Variants in ZNF316 observed in about 807,000 individuals in gnomAD.
The protein encoded by ZNF316 is zinc finger protein 316.
Under a neutral mutation model 75.6 loss-of-function variants are expected in ZNF316, and 23 were observed. The observed-to-expected ratio is 0.30, with a 90% confidence interval of 0.22 to 0.43. The LOEUF (loss-of-function observed/expected upper bound fraction) is 0.43. Ranked by LOEUF, ZNF316 falls within the 20% of genes least tolerant of loss-of-function variation. ZNF316 has a pLI of 1.00. For synonymous variants in ZNF316, 827 were observed against 666.2 expected, an observed-to-expected ratio of 1.24 and a Z score of -3.72; for missense variants, 1,266 against 1,409.4, an observed-to-expected ratio of 0.90 and a Z score of 1.63.
In ZNF316 at chr7:6,637,854, A is replaced by C. The variant is rs1044170780; in HGVS notation, c.-422A>C. The C allele has an allele frequency of 7.2e-5, 11 of 152,096 alleles. No homozygotes were observed. Among genetic ancestry groups the C allele is most frequent in the Admixed American group, 5.9e-4 (9 of 15,280 alleles). 9.4% of individuals were successfully genotyped at this position (152,096 alleles called of 1,614,324 possible). On this transcript the variant is annotated 5_prime_UTR_variant, in exon 2 of 9. Transcript: ENST00000382252. The surrounding 1 kb of genome is among the most constrained non-coding windows in gnomAD (Gnocchi z 6.2). Reference sequence around the variant, plus strand: ...GGGCTGTCATCGTCTAGGTCTCTGCAGGAGGAGGCGGCTCCGGACGCCCCC... The same window carrying C: ...GGGCTGTCATCGTCTAGGTCTCTGCCGGAGGAGGCGGCTCCGGACGCCCCC...
At chr7:6,643,739 T>C in intron 6 of ZNF316, 83 bp from the exon 7 acceptor site, 1 of 1,193,522 alleles carries the variant, frequency 8.4e-7, no homozygotes, top group Non-Finnish European at 1.0e-6. Flanking sequence ...ACACCCATGC[T>C]GGAGAGCCTC....
chr7:6,653,087 C>T lies in ZNF316; in HGVS notation c.1491C>T (p.Arg497=), dbSNP rs1263329020. 1.1e-5 allele frequency: 13 copies of T among 1,196,766 alleles called. No homozygotes were observed. The highest frequency in any genetic ancestry group is 1.3e-5 in the Non-Finnish European group (13 of 966,434). The allele number at this position is 1,196,766 out of a possible 1,614,324, so 74.1% of individuals were successfully genotyped here. Residue 497 remains arginine (R), a synonymous_variant, in exon 9 of 9, where the codon CGC becomes CGT. Coordinates refer to ENST00000382252, the MANE Select transcript of ZNF316 (RefSeq NM_001278559.2). The part of the protein sequence containing the change: ...CPDCGQAFRL[R]ADFQRHRRGG... ...ACTGCGGCCAGGCCTTCCGCCTGCG[C>T]GCCGACTTCCAGCGCCACCGACGCG...
chr7:6,642,660 A>G lies in ZNF316; in HGVS notation c.251A>G (p.Glu84Gly). Residue 84 changes from glutamate (E) to glycine (G), a missense_variant, in exon 5 of 9, where the codon GAG (glutamate) becomes GGG (glycine). Transcript: ENST00000382252. The surrounding 1 kb of genome is among the most constrained non-coding windows in gnomAD (Gnocchi z 8.1). ...EVEVEADVEE[E>G]DVKEVLAEEE... is the part of the protein sequence containing the mutation. ...GAGGTGGAGGCGGACGTGGAGGAGG[A>G]GGATGTGAAGGAGGTGCTGGCAGAG... The G allele has an allele frequency of 8.1e-7, 1 of 1,236,228 alleles. No homozygotes were observed. The highest frequency in any genetic ancestry group is 1.0e-6 in the Non-Finnish European group (1 of 991,012). 76.6% of individuals were successfully genotyped at this position (1,236,228 alleles called of 1,614,324 possible).
At chr7:6,647,171 C>A (rs1404612594) in intron 8 of ZNF316, among the ~76,000 whole-genome samples, 1 of 145,158 alleles carries the variant, frequency 6.9e-6, no homozygotes, top group East Asian at 1.9e-4. Context: ...CCGAGATGGA[C>A]CCCCTCAGCC....
Position 6,640,982 on chromosome 7 carries a change from G to A in ZNF316, c.-166-843G>A, listed in dbSNP as rs1312260277. 2.6e-5 allele frequency among the ~76,000 whole-genome samples: 4 copies of A among 152,082 alleles called. No homozygotes were observed. Among genetic ancestry groups the A allele is most frequent in the African/African-American group, 7.2e-5 (3 of 41,412 alleles). On this transcript the variant is annotated intron_variant, in intron 3 of 8. Coordinates refer to ENST00000382252, the MANE Select transcript of ZNF316 (RefSeq NM_001278559.2). The surrounding 1 kb of genome is among the most constrained non-coding windows in gnomAD (Gnocchi z 5.1). ...TGAGTGAATGAAACCTTTTTTCTTT[G>A]CCACTTACTCAGCCTCAGGTATTCC...
rs1410700791 is a variant in ZNF316 at position 6,653,957 on chromosome 7, C to T, written c.2361C>T (p.Arg787=). ...CGVCGAGFSR[R]AHLTAHGRAH... is the part of the protein sequence containing the mutation. ...TGTGCGGTGCGGGGTTCAGCCGTCG[C>T]GCGCACTTGACGGCGCACGGGCGCG... Residue 787 remains arginine (R), a synonymous_variant, in exon 9 of 9, where the codon CGC becomes CGT. Transcript: ENST00000382252. 2 of 1,160,640 alleles carry T rather than the reference C, an allele frequency of 1.7e-6. No individual in the cohort carries two copies. The allele number at this position is 1,160,640 out of a possible 1,614,324, so 71.9% of individuals were successfully genotyped here. A position where few individuals can be genotyped will look rare whatever the true frequency, so the allele number is the denominator to read the frequency against.
intron 8 of ZNF316, among the ~76,000 whole-genome samples, chr7:6,649,881 TGA>T (rs1057350586): frequency 1.3e-5 from 2 of 152,008 alleles, no homozygotes; most frequent in African/African-American, 4.8e-5. Flanking sequence ...CCTCCCCAAG[TGA>T]GAGGATTCCC....
In ZNF316 at chr7:6,654,490, G is replaced by C. The variant is rs1402666467; in HGVS notation, c.2894G>C (p.Ser965Thr). 1 of 1,182,706 alleles carries C rather than the reference G, an allele frequency of 8.5e-7. No homozygotes were observed. Among genetic ancestry groups the C allele is most frequent in the East Asian group, 3.8e-5 (1 of 26,634 alleles). 73.3% of individuals were successfully genotyped at this position (1,182,706 alleles called of 1,614,324 possible). Residue 965 changes from serine (S) to threonine (T), a missense_variant, in exon 9 of 9, where the codon AGT becomes ACT. Coordinates refer to ENST00000382252, the MANE Select transcript of ZNF316 (RefSeq NM_001278559.2). ...KPEAAAKGPS[S>T]AGPGERGSAL... ...GAGGCGGCCGCCAAGGGGCCGTCCA[G>C]TGCCGGCCCCGGTGAGCGCGGCAGC...
At chr7:6,648,919 T>C (rs1779456846) in intron 8 of ZNF316, among the ~76,000 whole-genome samples, 1 of 152,058 alleles carries the variant, frequency 6.6e-6, no homozygotes, top group East Asian at 1.9e-4. Flanking sequence ...CTGTGCCTGG[T>C]GCTGATGCCT....
In ZNF316 at chr7:6,654,140, G is replaced by T. The variant is rs1779572024; in HGVS notation, c.2544G>T (p.Arg848=). 6.6e-6 allele frequency: 8 copies of T among 1,220,646 alleles called. No individual in the cohort carries two copies. Among genetic ancestry groups the T allele is most frequent in the Non-Finnish European group, 8.2e-6 (8 of 980,122 alleles). The allele number at this position is 1,220,646 out of a possible 1,614,324, so 75.6% of individuals were successfully genotyped here. A position where few individuals can be genotyped will look rare whatever the true frequency, so the allele number is the denominator to read the frequency against. ...TCGGCCACAGCTCGGACTTCAAGCG[G>T]CATCGGCGCACGCACACGGGCGAGA... The part of the protein sequence containing the change: ...KGFGHSSDFK[R]HRRTHTGEKP... The change falls in exon 9 of 9, where the codon CGG becomes CGT. Residue 848 remains arginine, a synonymous_variant. Transcript: ENST00000382252.
Position 6,653,048 on chromosome 7 carries a change from G to T in ZNF316, c.1452G>T (p.Pro484=), listed in dbSNP as rs1779540293. 1.6e-6 allele frequency: 2 copies of T among 1,217,614 alleles called. No individual in the cohort carries two copies. Among genetic ancestry groups the T allele is most frequent in the Non-Finnish European group, 2.0e-6 (2 of 979,068 alleles). 75.4% of individuals were successfully genotyped at this position (1,217,614 alleles called of 1,614,324 possible). Residue 484 remains proline, a synonymous_variant, in exon 9 of 9, where the codon CCG becomes CCT. Coordinates refer to ENST00000382252, the MANE Select transcript of ZNF316 (RefSeq NM_001278559.2). The part of the protein sequence containing the change: ...RHQAVHTADR[P]HCCPDCGQAF... The stretch of plus-strand genomic sequence containing the variant: ...AGGCGGTGCACACGGCCGACCGCCC[G>T]CACTGCTGTCCCGACTGCGGCCAGG...
chr7:6,643,767 G>C, intron 6 of ZNF316, 55 bp from the exon 7 acceptor site: 1 of 1,231,606 alleles, frequency 8.1e-7, no homozygotes, highest in Non-Finnish European at 1.0e-6. Flanking sequence ...TCAATCTTCC[G>C]TGGCTCTTTG....
chr7:6,637,718 G>A lies in ZNF316; in HGVS notation c.-430-128G>A, dbSNP rs1290896306. 1 of 151,732 alleles carries A rather than the reference G, an allele frequency of 6.6e-6. No individual in the cohort carries two copies. Among genetic ancestry groups the A allele is most frequent in the African/African-American group, 2.4e-5 (1 of 41,400 alleles). 9.4% of individuals were successfully genotyped at this position (151,732 alleles called of 1,614,324 possible). A position where few individuals can be genotyped will look rare whatever the true frequency, so the allele number is the denominator to read the frequency against. On this transcript the variant is annotated intron_variant, in intron 1 of 8. Transcript: ENST00000382252. This position sits in a 1 kb window ranked among gnomAD's most constrained non-coding sequence, Gnocchi z 6.2. ...GGCCGGTCCGGGCAGGAGGCGGAGGGGGCAGGCCCGGGAGGCCACGCGTGA... is the reference window on the plus strand; with the variant it reads ...GGCCGGTCCGGGCAGGAGGCGGAGGAGGCAGGCCCGGGAGGCCACGCGTGA...
rs1779273687 is a variant in ZNF316 at position 6,639,320 on chromosome 7, A to T, written c.-167+179A>T. ...TGAATGCTTCTTAAGTGCTGGTGTG[A>T]GGGGTATTCAGACATGAGCAAAGGG... On this transcript the variant is annotated intron_variant, in intron 3 of 8. Transcript: ENST00000382252. This position sits in a 1 kb window ranked among gnomAD's most constrained non-coding sequence, Gnocchi z 4.2. 6.6e-6 allele frequency among the ~76,000 whole-genome samples: 1 copy of T among 152,158 alleles called. No individual in the cohort carries two copies. Among genetic ancestry groups the T allele is most frequent in the Non-Finnish European group, 1.5e-5 (1 of 68,030 alleles).
In ZNF316 at chr7:6,652,407, T is replaced by G; in HGVS notation, c.811T>G (p.Ser271Ala). The G allele has an allele frequency of 1.6e-6, 2 of 1,232,240 alleles. No individual in the cohort carries two copies. Among genetic ancestry groups the G allele is most frequent in the Non-Finnish European group, 1.0e-6 (1 of 988,068 alleles). The allele number at this position is 1,232,240 out of a possible 1,614,324, so 76.3% of individuals were successfully genotyped here. A position where few individuals can be genotyped will look rare whatever the true frequency, so the allele number is the denominator to read the frequency against. ...GGAGAACGAGCCCCCAGGGCTCTGG[T>G]CGGCGGCCTACGGCGTGGGGGACGT... Reference protein sequence around the residue: ...EEENEPPGLWSAAYGVGDVPG... With the variant: ...EEENEPPGLWAAAYGVGDVPG... The change falls in exon 9 of 9, where the codon TCG (serine) becomes GCG (alanine). Residue 271 changes from serine to alanine, a missense_variant. Around this residue, in one of 3 missense-constraint regions of ZNF316, gnomAD observed 961 missense variants for 990.9 expected, o/e 0.97. Transcript: ENST00000382252.
At chr7:6,649,822 G>A (rs370594401) in intron 8 of ZNF316, among the ~76,000 whole-genome samples, 33 of 152,278 alleles carry the variant, frequency 2.2e-4, no homozygotes, top group African/African-American at 3.9e-4. Flanking sequence ...CAGAGCTGGC[G>A]GGGGGTGCCC....
At chr7:6,646,783 A>T (rs1239604062) in intron 8 of ZNF316, among the ~76,000 whole-genome samples, 1 of 152,036 alleles carries the variant, frequency 6.6e-6, no homozygotes. Context: ...GGCAGGACAG[A>T]GGCTGCCTGT....
In ZNF316 at chr7:6,653,144, C is replaced by A; in HGVS notation, c.1548C>A (p.Gly516=). ...GGGCAEAGGD[G]PRREPGETAA... ...GCTGCGCGGAGGCGGGTGGTGACGGCCCCCGGCGGGAGCCCGGCGAGACGG... is the reference window on the plus strand; with the variant it reads ...GCTGCGCGGAGGCGGGTGGTGACGGACCCCGGCGGGAGCCCGGCGAGACGG... Residue 516 remains glycine (G), a synonymous_variant, in exon 9 of 9, where the codon GGC becomes GGA. Coordinates refer to ENST00000382252, the MANE Select transcript of ZNF316 (RefSeq NM_001278559.2). The A allele has an allele frequency of 1.7e-6, 2 of 1,175,038 alleles. No individual in the cohort carries two copies. Among genetic ancestry groups the A allele is most frequent in the African/African-American group, 1.6e-5 (1 of 61,902 alleles). The allele number at this position is 1,175,038 out of a possible 1,614,324, so 72.8% of individuals were successfully genotyped here. A position where few individuals can be genotyped will look rare whatever the true frequency, so the allele number is the denominator to read the frequency against.
intron 8 of ZNF316, among the ~76,000 whole-genome samples, chr7:6,647,531 C>T (rs564841920): frequency 1.4e-4 from 22 of 152,316 alleles, no homozygotes; most frequent in Admixed American, 6.5e-4. Context: ...TTGCACTGGC[C>T]GGGTGAGGGG....
Sources: gnomAD v4.1 joint callset for allele counts (sites outside exome capture counted in the v4.1 genomes callset) on GRCh38, gnomAD v4.1.1 for gene constraint, gnomAD v4.1.1 regional missense constraint, Gnocchi (gnomAD v3.1) non-coding constraint, MANE v1.5 for transcripts, NCBI Gene and HGNC (gene_info 2026-07-23, HGNC 2026-07-21) for gene names.